The following R3HDM2 variants were observed in gnomAD, a reference collection of about 807,000 sequenced individuals.
R3HDM2 encodes R3H domain containing 2.
In R3HDM2, 38 loss-of-function variants were observed where a neutral mutation model predicts 124.5. The ratio of observed to expected loss-of-function variants is 0.31; its 90% CI spans 0.24 to 0.40. The LOEUF (loss-of-function observed/expected upper bound fraction) is 0.40. Ranked by LOEUF, R3HDM2 falls within the 10% of genes least tolerant of loss-of-function variation. The pLI is 1.00. For missense variants in R3HDM2, 869 were observed against 1,236.9 expected, an observed-to-expected ratio of 0.70 and a Z score of 4.46; for synonymous variants, 391 against 448.0, an observed-to-expected ratio of 0.87 and a Z score of 1.61.
chr12:57,315,980 G>T (rs1469322990), intron 2 of R3HDM2, among the ~76,000 whole-genome samples: 1 of 152,152 alleles, frequency 6.6e-6, no homozygotes, highest in Non-Finnish European at 1.5e-5. Context: ...TTAGCCGGGC[G>T]TGGTGGCACA....
At chr12:57,373,157 GTGC>G (rs774330076) in intron 2 of R3HDM2, among the ~76,000 whole-genome samples, 2 of 152,172 alleles carry the variant, frequency 1.3e-5, no homozygotes, top group Non-Finnish European at 2.9e-5. Context: ...AGCTATGACT[GTGC>G]TGCTGCACTT....
intron 1 of R3HDM2, among the ~76,000 whole-genome samples, chr12:57,409,863 T>G (rs1484457866): frequency 2.6e-5 from 4 of 152,090 alleles, no homozygotes; most frequent in Non-Finnish European, 5.9e-5. Flanking sequence ...AAAGAAAACA[T>G]GTCCCTCCCT....
upstream of R3HDM2, chr12:57,431,127 G>A (rs1383422448): frequency 6.6e-6 from 1 of 152,364 alleles, no homozygotes; most frequent in African/African-American, 2.4e-5. Flanking sequence ...GCAGCCCTGC[G>A]GGGCCTACCG....
intron 2 of R3HDM2, among the ~76,000 whole-genome samples, chr12:57,317,089 C>G (rs1005108647): frequency 1.1e-4 from 16 of 151,958 alleles, no homozygotes; most frequent in African/African-American, 3.6e-4. Flanking sequence ...GCCATGTTGG[C>G]CAGCCTGGTC....
intron 2 of R3HDM2, among the ~76,000 whole-genome samples, chr12:57,335,249 C>T (rs1477120508): frequency 2.6e-5 from 4 of 151,874 alleles, no homozygotes; most frequent in South Asian, 4.2e-4. Flanking sequence ...GCTCTGTCAC[C>T]CAGGCTGGAG....
At chr12:57,371,756 TAAGGG>T (rs1244714330) in intron 2 of R3HDM2, among the ~76,000 whole-genome samples, 2 of 152,240 alleles carry the variant, frequency 1.3e-5, no homozygotes, top group Non-Finnish European at 2.9e-5. Flanking sequence ...GAGCATAGTC[TAAGGG>T]AAGGATATGG....
chr12:57,413,558 A>G (rs368614590), intron 1 of R3HDM2, among the ~76,000 whole-genome samples: 91 of 151,874 alleles, frequency 6.0e-4, no homozygotes, highest in African/African-American at 1.6e-3. Context: ...CAACATGGTG[A>G]AACCCCTTCT....
chr12:57,360,270 G>A (rs1320366806), intron 2 of R3HDM2, among the ~76,000 whole-genome samples: 5 of 151,174 alleles, frequency 3.3e-5, no homozygotes, highest in Non-Finnish European at 5.9e-5. Flanking sequence ...TCAGGTGAGC[G>A]ACCCACCTCG....
intron 14 of R3HDM2, among the ~76,000 whole-genome samples, chr12:57,277,019 A>G (rs2044951861): frequency 6.6e-6 from 1 of 151,702 alleles, no homozygotes; most frequent in South Asian, 2.1e-4. Context: ...CCACAATCTC[A>G]CAAATCACCT....
intron 3 of R3HDM2, among the ~76,000 whole-genome samples, chr12:57,304,059 A>G (rs1308972461): frequency 6.6e-6 from 1 of 152,204 alleles, no homozygotes; most frequent in Non-Finnish European, 1.5e-5. Flanking sequence ...ACACATTCAT[A>G]GTTCCAACTT....
intron 11 of R3HDM2, among the ~76,000 whole-genome samples, chr12:57,289,445 T>A (rs1248916955): frequency 6.6e-6 from 1 of 152,156 alleles, no homozygotes; most frequent in Admixed American, 6.5e-5. Flanking sequence ...AGAAAGAAAC[T>A]TTGTTTTTGG....
At chr12:57,314,304 A>G (rs189563487) in intron 2 of R3HDM2, among the ~76,000 whole-genome samples, 2 of 151,732 alleles carry the variant, frequency 1.3e-5, no homozygotes, top group East Asian at 3.9e-4. Flanking sequence ...ACATGGAGAA[A>G]CCCCATCTCT....
intron 12 of R3HDM2, among the ~76,000 whole-genome samples, chr12:57,284,481 G>C (rs1171196619): frequency 6.6e-6 from 1 of 152,200 alleles, no homozygotes; most frequent in Non-Finnish European, 1.5e-5. Flanking sequence ...TTGCTAAAAG[G>C]CAGGAGCCAA....
rs544753089 is a variant in R3HDM2, at chr12:57,406,562, T to TA, written c.-105-10745dup. Among the ~76,000 whole-genome samples the TA allele has an allele frequency of 2.8e-4, 43 of 152,212 alleles. No homozygotes were observed. In the East Asian group the frequency reaches 7.3e-3, roughly 26 times the overall value. On this transcript the variant is annotated intron_variant, in intron 1 of 23. Transcript: ENST00000402412. Reference sequence around the variant, plus strand: ...TAAGCGATGAGGGGAGTATCTTTTATAAAAAGTACTGCAGCTAAAAAAAAA... The same window carrying TA: ...TAAGCGATGAGGGGAGTATCTTTTATAAAAAAGTACTGCAGCTAAAAAAAAA...
At chr12:57,398,292 A>G (rs1050792542) in intron 1 of R3HDM2, among the ~76,000 whole-genome samples, 11 of 152,256 alleles carry the variant, frequency 7.2e-5, no homozygotes, top group Admixed American at 6.5e-4. Flanking sequence ...CTGACACATG[A>G]TAAGCACTGA....
chr12:57,333,268 A>G (rs1275132700), intron 2 of R3HDM2, among the ~76,000 whole-genome samples: 1 of 152,200 alleles, frequency 6.6e-6, no homozygotes, highest in Admixed American at 6.6e-5. Context: ...TCTCCAGACC[A>G]AAGAGAGAGA....
intron 1 of R3HDM2, among the ~76,000 whole-genome samples, chr12:57,418,653 G>A (rs958439067): frequency 2.0e-5 from 3 of 151,050 alleles, no homozygotes; most frequent in Non-Finnish European, 2.9e-5. Context: ...CTGTCTCCCC[G>A]GTTCAAGTGA....
At chr12:57,409,218 A>G (rs1182484619) in intron 1 of R3HDM2, among the ~76,000 whole-genome samples, 1 of 152,162 alleles carries the variant, frequency 6.6e-6, no homozygotes. Flanking sequence ...GAAAAATACA[A>G]TATTCTTCCT....
At chr12:57,369,499 G>C (rs928149702) in intron 2 of R3HDM2, among the ~76,000 whole-genome samples, 5 of 152,130 alleles carry the variant, frequency 3.3e-5, no homozygotes, top group Admixed American at 3.3e-4. Context: ...GCGAAAACTT[G>C]GATGGCTATT....
Sources: gnomAD v4.1 joint callset for allele counts (sites outside exome capture counted in the v4.1 genomes callset) on GRCh38, gnomAD v4.1.1 for gene constraint, MANE v1.5 for transcripts, NCBI Gene and HGNC (gene_info 2026-07-23, HGNC 2026-07-21) for gene names.